Variants in AFG3L2 observed in about 807,000 individuals in gnomAD.
AFG3L2 encodes the protein mitochondrial inner membrane m-AAA protease component AFG3L2.
AFG3L2 carries 54 observed loss-of-function variants against 94.5 expected under a neutral mutation model. The observed-to-expected ratio is 0.57, with a 90% CI of 0.46 to 0.72. AFG3L2 has a LOEUF of 0.72. AFG3L2 is among the 30% of genes least tolerant of loss of function. The probability of loss-of-function intolerance (pLI) is 0.00; values close to 1 mark genes in which losing one functional copy is unlikely to be tolerated. For synonymous variants in AFG3L2, 377 were observed against 365.5 expected, an observed-to-expected ratio of 1.03 and a Z score of -0.36; for missense variants, 754 against 994.9, an observed-to-expected ratio of 0.76 and a Z score of 3.26.
At chr18:12,338,076 TTTTG>T (rs1907812100) in intron 15 of AFG3L2, among the ~76,000 whole-genome samples, 1 of 152,098 alleles carries the variant, frequency 6.6e-6, no homozygotes, top group Non-Finnish European at 1.5e-5. Context: ...CCTGGTTTCT[TTTTG>T]TTTTTGTTTT....
At chr18:12,366,316 C>G (rs922968759) in intron 5 of AFG3L2, among the ~76,000 whole-genome samples, 1 of 152,210 alleles carries the variant, frequency 6.6e-6, no homozygotes, top group Non-Finnish European at 1.5e-5. Context: ...ATGTGTCTTA[C>G]AATCAATAGC....
rs561717400 is a variant in AFG3L2 at position 12,329,221 on chromosome 18, G to A, written c.*344C>T. 2.6e-5 allele frequency: 18 copies of A among 702,726 alleles called. No individual in the cohort carries two copies. Among genetic ancestry groups the A allele is most frequent in the East Asian group, 1.3e-4 (5 of 37,284 alleles). 43.5% of individuals were successfully genotyped at this position (702,726 alleles called of 1,614,324 possible). Reference sequence around the variant, plus strand: ...AAAGAGAAAGCATCCCTTCCCACACGCCAAGAGTCCAGTGCAACGATCCCT... The same window carrying A: ...AAAGAGAAAGCATCCCTTCCCACACACCAAGAGTCCAGTGCAACGATCCCT... On this transcript the variant is annotated 3_prime_UTR_variant, in exon 17 of 17. Coordinates refer to ENST00000269143, the MANE Select transcript of AFG3L2 (RefSeq NM_006796.3).
rs1480264943 is a variant in AFG3L2 at position 12,329,154 on chromosome 18, C to T, written c.*411G>A. 1 of 702,986 alleles carries T rather than the reference C, an allele frequency of 1.4e-6. No individual in the cohort carries two copies. Among genetic ancestry groups the T allele is most frequent in the East Asian group, 2.7e-5 (1 of 37,288 alleles). The allele number at this position is 702,986 out of a possible 1,614,324, so 43.5% of individuals were successfully genotyped here. ...CCAATTTAATTTCACAGCCCATCTG[C>T]ACAGGGGAACTGAGGAGAAACAGGA... On this transcript the variant is annotated 3_prime_UTR_variant, in exon 17 of 17. Coordinates refer to ENST00000269143, the MANE Select transcript of AFG3L2 (RefSeq NM_006796.3).
intron 1 of AFG3L2, among the ~76,000 whole-genome samples, chr18:12,374,542 AGTATGTAT>A (rs1366196967): frequency 6.6e-6 from 1 of 152,296 alleles, no homozygotes; most frequent in African/African-American, 2.4e-5. Context: ...AGTACCAAAG[AGTATGTAT>A]CAGGACCGCG....
intron 6 of AFG3L2, among the ~76,000 whole-genome samples, chr18:12,363,079 T>C (rs147258729): frequency 2.7e-4 from 41 of 152,362 alleles, no homozygotes; most frequent in African/African-American, 8.9e-4. Flanking sequence ...TGCTATTTGC[T>C]GACATGCAAT....
chr18:12,360,164 TAAAGAATAAAC>T, intron 6 of AFG3L2, 113 bp from the exon 7 acceptor site: 2 of 1,003,504 alleles, frequency 2.0e-6, no homozygotes, highest in East Asian at 5.2e-5. Flanking sequence ...ATTTATAAAT[TAAAGAATAAAC>T]AATAATAAAA....
At chr18:12,375,820 C>T (rs1000471844) in intron 1 of AFG3L2, among the ~76,000 whole-genome samples, 1 of 151,658 alleles carries the variant, frequency 6.6e-6, no homozygotes, top group African/African-American at 2.4e-5. Context: ...CGTGAGCTAC[C>T]GCGCCTGGCC....
At chr18:12,337,254 T>A (rs772184509) in intron 16 of AFG3L2, 87 bp downstream of exon 16, 7 of 1,208,014 alleles carry the variant, frequency 5.8e-6, no homozygotes, top group Non-Finnish European at 7.4e-6. Flanking sequence ...AATTCTGCAG[T>A]CTACACACCA....
At chr18:12,359,469 T>A (rs1908591591) in intron 7 of AFG3L2, among the ~76,000 whole-genome samples, 1 of 152,076 alleles carries the variant, frequency 6.6e-6, no homozygotes, top group African/African-American at 2.4e-5. Flanking sequence ...CCAGGTGTGG[T>A]GGCTCACAAC....
In AFG3L2 at chr18:12,344,266, A is replaced by G. The variant is rs1199799689; in HGVS notation, c.1664-19T>C. ...TCTAAGCCTAACAAAATAACAACAA[A>G]AAAACCCAAGCCATTGTTACAGTGA... On this transcript the variant is annotated intron_variant, in intron 13 of 16. Coordinates refer to ENST00000269143, the MANE Select transcript of AFG3L2 (RefSeq NM_006796.3). The G allele has an allele frequency of 1.6e-5, 25 of 1,596,430 alleles. No homozygotes were observed. Among genetic ancestry groups the G allele is most frequent in the Admixed American group, 1.2e-4 (7 of 59,988 alleles).
At chr18:12,344,756 A>C (rs1908077546) in intron 13 of AFG3L2, among the ~76,000 whole-genome samples, 1 of 152,134 alleles carries the variant, frequency 6.6e-6, no homozygotes, top group South Asian at 2.1e-4. Flanking sequence ...ATAAAAGCAA[A>C]AGGTCAGGTT....
chr18:12,363,193 C>A (rs190682998), intron 6 of AFG3L2, among the ~76,000 whole-genome samples: 1 of 152,244 alleles, frequency 6.6e-6, no homozygotes, highest in African/African-American at 2.4e-5. Context: ...CCTAAGGGAG[C>A]CTAGCAAGTC....
chr18:12,360,482 G>A (rs1908626084), intron 6 of AFG3L2, among the ~76,000 whole-genome samples: 1 of 152,100 alleles, frequency 6.6e-6, no homozygotes, highest in Admixed American at 6.5e-5. Flanking sequence ...GCATTGTTCT[G>A]GGCCCTTCAG....
chr18:12,331,145 C>T (rs1907511683), intron 16 of AFG3L2, among the ~76,000 whole-genome samples: 1 of 152,276 alleles, frequency 6.6e-6, no homozygotes, highest in East Asian at 1.9e-4. Context: ...TGTTTAGATA[C>T]CATTGTGTTA....
At chr18:12,337,205 A>G (rs749405817) in intron 16 of AFG3L2, 136 bp downstream of exon 16, 4 of 797,762 alleles carry the variant, frequency 5.0e-6, no homozygotes, top group African/African-American at 3.4e-5. Context: ...ACAACGAAAC[A>G]TCAGAACGAA....
intron 14 of AFG3L2, chr18:12,342,548 A>G (rs2143133727): frequency 6.6e-6 from 1 of 152,198 alleles, no homozygotes; most frequent in East Asian, 1.9e-4. Context: ...TGAAATTTTG[A>G]TGAGATCCCA....
chr18:12,353,253 G>T, intron 9 of AFG3L2, 95 bp from the exon 10 acceptor site: 2 of 1,466,940 alleles, frequency 1.4e-6, no homozygotes, highest in Admixed American at 1.8e-5. Flanking sequence ...AGTGGCTCAT[G>T]CCTGTAATCC....
intron 1 of AFG3L2, among the ~76,000 whole-genome samples, chr18:12,372,578 T>C (rs1029141172): frequency 1.3e-5 from 2 of 152,016 alleles, no homozygotes; most frequent in Non-Finnish European, 1.5e-5. Context: ...CCACGAAAAA[T>C]ATGCACACAA....
At position 12,358,936 on chromosome 18, in the gene AFG3L2, G is replaced by C. The variant is rs775232542; in HGVS notation, c.760C>G (p.Leu254Val). 7 of 1,612,626 alleles carry C rather than the reference G, an allele frequency of 4.3e-6. No homozygotes were observed. The highest frequency in any genetic ancestry group is 5.9e-6 in the Non-Finnish European group (7 of 1,179,282). The change falls in exon 8 of 17, where the codon CTG (leucine) becomes GTG (valine). Residue 254 changes from leucine to valine, a missense_variant. By Grantham distance (32) the Leu-to-Val change is conservative. Around this residue, in one of 4 missense-constraint regions of AFG3L2, gnomAD observed 130 missense variants for 175.1 expected, o/e 0.74. Transcript: ENST00000269143. ...AGCACCGTAGGCAGCATGCTCAGCA[G>C]AAAAGAGCTGGGGACACACAGCGCA... The part of the protein sequence containing the change: ...VYIAESDGSF[L>V]LSMLPTVLII...
Sources: allele counts gnomAD v4.1 joint callset (sites outside exome capture counted in the v4.1 genomes callset), GRCh38; gene constraint gnomAD v4.1.1; regional missense constraint gnomAD v4.1.1; transcripts MANE v1.5; gene names NCBI Gene and HGNC (gene_info 2026-07-23, HGNC 2026-07-21).